The following RNF38 variants were observed in gnomAD, a reference collection of about 807,000 sequenced individuals.
RNF38 encodes ring finger protein 38.
A neutral mutation model predicts 67.2 loss-of-function variants in RNF38; 15 were observed. The ratio of observed to expected loss-of-function variants is 0.22; its 90% CI spans 0.15 to 0.34. RNF38 has a LOEUF of 0.34. Among genes scored for constraint, RNF38 ranks in the 10% least tolerant of loss-of-function variants. The pLI is 1.00. For synonymous variants in RNF38, 220 were observed against 218.8 expected, an observed-to-expected ratio of 1.01 and a Z score of -0.05; for missense variants, 524 against 639.9, an observed-to-expected ratio of 0.82 and a Z score of 1.95.
Position 36,337,281 on chromosome 9 carries a change from C to T in RNF38, c.*2471G>A, listed in dbSNP as rs1431068434. 6.6e-6 allele frequency: 1 copy of T among 152,434 alleles called. No individual in the cohort carries two copies. Among genetic ancestry groups the T allele is most frequent in the Non-Finnish European group, 1.5e-5 (1 of 68,056 alleles). 9.4% of individuals were successfully genotyped at this position (152,434 alleles called of 1,614,324 possible). A position where few individuals can be genotyped will look rare whatever the true frequency, so the allele number is the denominator to read the frequency against. ...TAACCACAATAAGCAAGTCTGCACACATCTCTATGAGCCCCATGCAAAGAC... is the reference window on the plus strand; with the variant it reads ...TAACCACAATAAGCAAGTCTGCACATATCTCTATGAGCCCCATGCAAAGAC... On this transcript the variant is annotated 3_prime_UTR_variant, in exon 12 of 12. Transcript: ENST00000259605.
chr9:36,401,247 C>G (rs1838017567), upstream of RNF38: 1 of 983,642 alleles, frequency 1.0e-6, no homozygotes, highest in Admixed American at 6.2e-5. Flanking sequence ...GCGCACGACT[C>G]GGACCAGTTC....
rs764085249 is a variant in RNF38 at position 36,344,886 on chromosome 9, T to C, written c.1331A>G (p.Glu444Gly). Residue 444 changes from glutamate (E) to glycine (G), a missense_variant, in exon 10 of 12, where the codon GAA (glutamate) becomes GGA (glycine). Coordinates refer to ENST00000259605, the MANE Select transcript of RNF38 (RefSeq NM_022781.5). ...KPRGLTKADI[E>G]QLPSYRFNPN... ...ATTGAACCGATAAGAAGGAAGTTGT[T>C]CAATATCTGCTTTAGTCAGTCCACG... 1.2e-6 allele frequency: 2 copies of C among 1,614,024 alleles called. No individual in the cohort carries two copies. The highest frequency in any genetic ancestry group is 3.3e-5 in the Admixed American group (2 of 60,008).
intron 1 of RNF38, among the ~76,000 whole-genome samples, chr9:36,462,980 CTTTT>C (rs112977096): frequency 6.9e-6 from 1 of 145,306 alleles, no homozygotes. Context: ...CCCTGATTTA[CTTTT>C]TTTTTTTTTA....
chr9:36,337,459 G>A lies in RNF38; in HGVS notation c.*2293C>T, dbSNP rs1832534142. 6.5e-6 allele frequency: 1 copy of A among 152,680 alleles called. No homozygotes were observed. Among genetic ancestry groups the A allele is most frequent in the Non-Finnish European group, 1.5e-5 (1 of 68,040 alleles). The allele number at this position is 152,680 out of a possible 1,614,324, so 9.5% of individuals were successfully genotyped here. A position where few individuals can be genotyped will look rare whatever the true frequency, so the allele number is the denominator to read the frequency against. ...AATTCATAGAGGGAGAGAAGAAAAA[G>A]CTGCTACTCCTAGTCATTAGTACAA... is the stretch of plus-strand genomic sequence containing the variant. On this transcript the variant is annotated 3_prime_UTR_variant, in exon 12 of 12. Coordinates refer to ENST00000259605, the MANE Select transcript of RNF38 (RefSeq NM_022781.5).
At chr9:36,401,535 G>A (rs1838034475), upstream of RNF38, among the ~76,000 whole-genome samples, 1 of 152,150 alleles carries the variant, frequency 6.6e-6, no homozygotes, top group Non-Finnish European at 1.5e-5. Context: ...CAACAGGTTC[G>A]AACCCAACTT....
At chr9:36,369,656 A>T in intron 4 of RNF38, 63 bp downstream of exon 4, 1 of 1,402,658 alleles carries the variant, frequency 7.1e-7, no homozygotes, top group Non-Finnish European at 9.6e-7. Flanking sequence ...AGCCAAAAAA[A>T]AAAAATCTCA....
intron 1 of RNF38, among the ~76,000 whole-genome samples, chr9:36,462,633 C>G (rs1003130627): frequency 6.6e-6 from 1 of 152,014 alleles, no homozygotes; most frequent in Non-Finnish European, 1.5e-5. Flanking sequence ...AATTTCTGCT[C>G]AAATGTCACT....
intron 1 of RNF38, among the ~76,000 whole-genome samples, chr9:36,483,342 C>T (rs925205066): frequency 4.0e-5 from 6 of 151,592 alleles, no homozygotes; most frequent in Non-Finnish European, 7.4e-5. Context: ...GCCGAGATTG[C>T]GCCACTGCAC....
upstream of RNF38, chr9:36,400,510 C>T: frequency 3.0e-6 from 3 of 996,996 alleles, no homozygotes; most frequent in Non-Finnish European, 3.6e-6. Flanking sequence ...GCCCGCAGCC[C>T]GTCCCGCCCT....
chr9:36,452,823 G>T (rs1839488691), intron 1 of RNF38, among the ~76,000 whole-genome samples: 1 of 152,172 alleles, frequency 6.6e-6, no homozygotes, highest in African/African-American at 2.4e-5. Flanking sequence ...ATGAGCCACT[G>T]CACCCGGCCA....
intron 3 of RNF38, among the ~76,000 whole-genome samples, chr9:36,372,948 G>A (rs1159439910): frequency 1.3e-5 from 2 of 152,222 alleles, no homozygotes; most frequent in Non-Finnish European, 2.9e-5. Context: ...GCTCATGCCT[G>A]TAATCCCAGC....
chr9:36,431,163 T>C (rs1357273688), intron 1 of RNF38, among the ~76,000 whole-genome samples: 1 of 152,184 alleles, frequency 6.6e-6, no homozygotes, highest in Non-Finnish European at 1.5e-5. Context: ...CAATGGCTCA[T>C]AAAACTCAAG....
chr9:36,395,327 C>CA (rs1837434349), intron 1 of RNF38, among the ~76,000 whole-genome samples: 1 of 145,606 alleles, frequency 6.9e-6, no homozygotes, highest in Non-Finnish European at 1.5e-5. Context: ...CGTTCATTTC[C>CA]TTTTTTTTTT....
chr9:36,387,511 CAG>C (rs746642670), intron 2 of RNF38, among the ~76,000 whole-genome samples: 29 of 152,284 alleles, frequency 1.9e-4, no homozygotes, highest in East Asian at 1.2e-3. Flanking sequence ...AACTTTAAGA[CAG>C]GGGTTGACAG....
At chr9:36,463,925 T>C (rs1839796166) in intron 1 of RNF38, among the ~76,000 whole-genome samples, 1 of 152,090 alleles carries the variant, frequency 6.6e-6, no homozygotes, top group African/African-American at 2.4e-5. Flanking sequence ...CCCAGCACTT[T>C]GGGAGGCCGA....
At chr9:36,391,710 T>G (rs978781400) in intron 1 of RNF38, among the ~76,000 whole-genome samples, 1 of 147,552 alleles carries the variant, frequency 6.8e-6, no homozygotes, top group Admixed American at 6.9e-5. Flanking sequence ...CCCACTGGGG[T>G]TCACGCCATT....
At chr9:36,478,233 T>A (rs965712039) in intron 1 of RNF38, among the ~76,000 whole-genome samples, 1 of 150,806 alleles carries the variant, frequency 6.6e-6, no homozygotes, top group Admixed American at 6.6e-5. Context: ...TGAAACCCCA[T>A]CTCTACTAAA....
chr9:36,415,071 G>A (rs750687212), intron 2 of RNF38, among the ~76,000 whole-genome samples: 8 of 152,100 alleles, frequency 5.3e-5, no homozygotes, highest in Non-Finnish European at 8.8e-5. Context: ...TGAGTTTCTC[G>A]TATTTGGATG....
At chr9:36,479,360 G>A (rs1020384537) in intron 1 of RNF38, among the ~76,000 whole-genome samples, 3 of 152,174 alleles carry the variant, frequency 2.0e-5, no homozygotes, top group Admixed American at 6.6e-5. Context: ...AGAGGAACTG[G>A]AGCCACTATG....
Sources: allele counts gnomAD v4.1 joint callset (sites outside exome capture counted in the v4.1 genomes callset), GRCh38; gene constraint gnomAD v4.1.1; transcripts MANE v1.5; gene names NCBI Gene and HGNC (gene_info 2026-07-23, HGNC 2026-07-21).